Variants in UNC5B observed in about 807,000 individuals in gnomAD.
UNC5B encodes the protein unc-5 netrin receptor B, also known as netrin receptor UNC5B.
Under a neutral mutation model 103.7 loss-of-function variants are expected in UNC5B, and 56 were observed. The observed-to-expected ratio is 0.54, with a 90% CI of 0.44 to 0.67. UNC5B has a LOEUF of 0.67. Among genes scored for constraint, UNC5B ranks in the 30% least tolerant of loss-of-function variants. UNC5B has a pLI of 0.00. For synonymous variants in UNC5B, 577 were observed against 542.0 expected (o/e 1.06, Z -0.90); for missense variants, 1,194 against 1,284.5 (o/e 0.93, Z 1.08).
Position 71,293,673 on chromosome 10 carries a change from C to G in UNC5B, c.1942-27C>G, listed in dbSNP as rs199714816. The G allele has an allele frequency of 6.6e-3, 10,596 of 1,598,390 alleles. 178 individuals are homozygous for G. Among genetic ancestry groups the G allele is most frequent in the South Asian group, 0.044 (3,969 of 89,396 alleles). On this transcript the variant is annotated intron_variant, in intron 12 of 16. Coordinates refer to ENST00000335350, the MANE Select transcript of UNC5B (RefSeq NM_170744.5). ...GGCCCAGCCTGAATAACTGTGACCACTACCCCACCCTTGCTGTCCCCTACA... is the reference window on the plus strand; with the variant it reads ...GGCCCAGCCTGAATAACTGTGACCAGTACCCCACCCTTGCTGTCCCCTACA...
intron 1 of UNC5B, among the ~76,000 whole-genome samples, chr10:71,251,906 T>C (rs1243182716): frequency 2.0e-5 from 3 of 152,236 alleles, no homozygotes; most frequent in Non-Finnish European, 4.4e-5. Flanking sequence ...TCCTCTCAAA[T>C]TGACCTTGCT....
In UNC5B at chr10:71,291,354, T is replaced by G. The variant is rs1258995214; in HGVS notation, c.1295-78T>G. ...ATTGGGCCTTTCACAGCTGGACATT[T>G]GGGTGGGATTTTGCAGTGGGAGCTG... On this transcript the variant is annotated intron_variant, in intron 9 of 16. Transcript: ENST00000335350. The G allele has an allele frequency of 5.3e-6, 8 of 1,520,860 alleles. No homozygotes were observed. In the Admixed American group the frequency reaches 1.5e-4, roughly 29 times the overall value. 94.2% of individuals were successfully genotyped at this position (1,520,860 alleles called of 1,614,324 possible).
chr10:71,288,783 T>C (rs973236434), intron 7 of UNC5B, 51 bp downstream of exon 7: 4 of 1,557,402 alleles, frequency 2.6e-6, no homozygotes, highest in Admixed American at 3.8e-5. Flanking sequence ...TGGAGCCATG[T>C]AAGGGTCCCC....
intron 11 of UNC5B, among the ~76,000 whole-genome samples, chr10:71,292,953 C>A (rs1258730847): frequency 1.3e-5 from 2 of 152,088 alleles, no homozygotes; most frequent in African/African-American, 4.8e-5. Context: ...TGAAAACCAC[C>A]ACAAGGTATA....
chr10:71,291,486 G>T lies in UNC5B; in HGVS notation c.1349G>T (p.Gly450Val). 6.2e-7 allele frequency: 1 copy of T among 1,614,000 alleles called. No individual in the cohort carries two copies. The highest frequency in any genetic ancestry group is 1.3e-5 in the African/African-American group (1 of 75,016). ...CCTCCTGACCTGACAGCCAGCGCCGGCATCTACCGCGGACCCGTGTATGCC... is the reference window on the plus strand; with the variant it reads ...CCTCCTGACCTGACAGCCAGCGCCGTCATCTACCGCGGACCCGTGTATGCC... Reference protein sequence around the residue: ...SVPPDLTASAGIYRGPVYALQ... With the variant: ...SVPPDLTASAVIYRGPVYALQ... The change falls in exon 10 of 17, where the codon GGC becomes GTC. Residue 450 changes from glycine to valine, a missense_variant. Gly to Val is a moderately radical substitution (Grantham distance 109). Coordinates refer to ENST00000335350, the MANE Select transcript of UNC5B (RefSeq NM_170744.5).
At chr10:71,292,099 G>A (rs768442115) in intron 10 of UNC5B, among the ~76,000 whole-genome samples, 6 of 152,242 alleles carry the variant, frequency 3.9e-5, no homozygotes, top group Non-Finnish European at 7.3e-5. Context: ...TTCCAACGTA[G>A]TTCAGCAGAC....
rs1379172052 is a variant in UNC5B, at chr10:71,286,624, CCTT to C, written c.553-59_553-57del. ...ATGGCGTGGACCCAGGTAGAACTGC[CCTT>C]CTTCTGTTTATGATCAAACCTGTCC... On this transcript the variant is annotated intron_variant, in intron 4 of 16. Coordinates refer to ENST00000335350, the MANE Select transcript of UNC5B (RefSeq NM_170744.5). 2.6e-5 allele frequency: 42 copies of C among 1,591,022 alleles called. 1 individual carries two copies. The highest frequency in any genetic ancestry group is 3.4e-4 in the Middle Eastern group (2 of 5,950).
Position 71,299,314 on chromosome 10 carries a change from A to T in UNC5B, c.*37A>T. On this transcript the variant is annotated 3_prime_UTR_variant, in exon 17 of 17. Coordinates refer to ENST00000335350, the MANE Select transcript of UNC5B (RefSeq NM_170744.5). ...CAGCGGGCTGGCAGGGACTGGCAGGAGGCAGGTGCAGGGAGGCCTGGGGCA... is the reference window on the plus strand; with the variant it reads ...CAGCGGGCTGGCAGGGACTGGCAGGTGGCAGGTGCAGGGAGGCCTGGGGCA... The T allele has an allele frequency of 1.9e-6, 3 of 1,609,634 alleles. No homozygotes were observed. Among genetic ancestry groups the T allele is most frequent in the Non-Finnish European group, 2.5e-6 (3 of 1,178,566 alleles).
chr10:71,279,820 G>C lies in UNC5B; in HGVS notation c.80-1G>C. The C allele has an allele frequency of 6.2e-7, 1 of 1,612,412 alleles. No homozygotes were observed. On this transcript the variant is annotated splice_acceptor_variant, in intron 1 of 16. Coordinates refer to ENST00000335350, the MANE Select transcript of UNC5B (RefSeq NM_170744.5). LOFTEE classifies it high-confidence loss of function. ...CATGGAGGTCTCCACTCACTCTGCA[G>C]GCACTGATTCTGGCAGCGAGGTGCT...
intron 1 of UNC5B, among the ~76,000 whole-genome samples, chr10:71,243,675 C>G (rs1487053856): frequency 6.6e-6 from 1 of 152,102 alleles, no homozygotes; most frequent in Admixed American, 6.5e-5. Flanking sequence ...CAGAGGCCAC[C>G]CCACCTGGAT....
Position 71,291,607 on chromosome 10 carries a change from G to A in UNC5B, c.1470G>A (p.Thr490=), listed in dbSNP as rs562293801. The change falls in exon 10 of 17, where the codon ACG becomes ACA. Residue 490 remains threonine, a synonymous_variant. Coordinates refer to ENST00000335350, the MANE Select transcript of UNC5B (RefSeq NM_170744.5). ...TCAAGGTCTACAGCTCCAGCACCACGGGCTCTGGGCCAGGCCTGGCAGATG... is the reference window on the plus strand; with the variant it reads ...TCAAGGTCTACAGCTCCAGCACCACAGGCTCTGGGCCAGGCCTGGCAGATG... ...LKVKVYSSST[T]GSGPGLADGA... 1.1e-5 allele frequency: 17 copies of A among 1,614,056 alleles called. No homozygotes were observed. The African/African-American group carries it at 1.2e-4, about 11-fold the overall frequency.
In UNC5B at chr10:71,291,799, G is replaced by C; in HGVS notation, c.1662G>C (p.Gly554=). ...GCGGCACCTTTGGCTGCCTGGGTGG[G>C]AGGCTCAGCATCCCCGGCACAGGTG... ...SVSGTFGCLG[G]RLSIPGTGVS... is the part of the protein sequence containing the mutation. The change falls in exon 10 of 17, where the codon GGG becomes GGC. Residue 554 remains glycine, a synonymous_variant. Transcript: ENST00000335350. 1 of 1,602,076 alleles carries C rather than the reference G, an allele frequency of 6.2e-7. No individual in the cohort carries two copies. Among genetic ancestry groups the C allele is most frequent in the Non-Finnish European group, 8.5e-7 (1 of 1,178,290 alleles).
intron 9 of UNC5B, 138 bp from the exon 10 acceptor site, chr10:71,291,294 T>C: frequency 1.4e-6 from 2 of 1,397,288 alleles, no homozygotes; most frequent in Non-Finnish European, 1.9e-6. Flanking sequence ...TGACCCAGGC[T>C]GCGGGATTCC....
intron 1 of UNC5B, among the ~76,000 whole-genome samples, chr10:71,271,115 T>C (rs1242214675): frequency 6.6e-6 from 1 of 152,164 alleles, no homozygotes; most frequent in East Asian, 1.9e-4. Context: ...GGAAGCCAAG[T>C]GCTGGAGTCA....
chr10:71,302,177 C>T lies in UNC5B; in HGVS notation c.*2900C>T, dbSNP rs1046434743. ...CAATTCAGACCCAAGAGGTAGCCCCCGAGGGCATGTACCTGGTGGGAAGCA... is the reference window on the plus strand; with the variant it reads ...CAATTCAGACCCAAGAGGTAGCCCCTGAGGGCATGTACCTGGTGGGAAGCA... On this transcript the variant is annotated 3_prime_UTR_variant, in exon 17 of 17. Coordinates refer to ENST00000335350, the MANE Select transcript of UNC5B (RefSeq NM_170744.5). The T allele has an allele frequency of 1.3e-5, 2 of 152,200 alleles. No individual in the cohort carries two copies. The highest frequency in any genetic ancestry group is 4.8e-5 in the African/African-American group (2 of 41,440). The allele number at this position is 152,200 out of a possible 1,614,324, so 9.4% of individuals were successfully genotyped here.
chr10:71,223,382 G>C (rs1046655663), intron 1 of UNC5B, among the ~76,000 whole-genome samples: 1 of 152,154 alleles, frequency 6.6e-6, no homozygotes, highest in African/African-American at 2.4e-5. Flanking sequence ...CAAAGAATTA[G>C]AAGATTTTTT....
Position 71,221,330 on chromosome 10 carries a change from C to G in UNC5B, c.79+8266C>G, listed in dbSNP as rs191595086. On this transcript the variant is annotated intron_variant, in intron 1 of 16. Coordinates refer to ENST00000335350, the MANE Select transcript of UNC5B (RefSeq NM_170744.5). ...TGCGAGAAGGGGCCTGTGGTCCCCC[C>G]CCTTGTCACCCACTCCGAAGCTCAA... Among the ~76,000 whole-genome samples the G allele has an allele frequency of 3.5e-3, 539 of 152,348 alleles. 6 individuals carry two copies. Among genetic ancestry groups the G allele is most frequent in the African/African-American group, 0.012 (506 of 41,580 alleles).
At chr10:71,289,052 C>T in intron 8 of UNC5B, 62 bp downstream of exon 8, 1 of 1,612,594 alleles carries the variant, frequency 6.2e-7, no homozygotes, top group Non-Finnish European at 8.5e-7. Context: ...CTTTGGCTGG[C>T]TTTTCCCGGG....
Position 71,225,869 on chromosome 10 carries a change from G to C in UNC5B, c.79+12805G>C, listed in dbSNP as rs180686039. On this transcript the variant is annotated intron_variant, in intron 1 of 16. Coordinates refer to ENST00000335350, the MANE Select transcript of UNC5B (RefSeq NM_170744.5). Reference sequence around the variant, plus strand: ...CACACAGACTTGAGGACACCCTGCAGACACTACCTGCTGGCAGCACACCTG... The same window carrying C: ...CACACAGACTTGAGGACACCCTGCACACACTACCTGCTGGCAGCACACCTG... Among the ~76,000 whole-genome samples the C allele has an allele frequency of 2.4e-3, 273 of 111,822 alleles. 1 individual carries two copies. The highest frequency in any genetic ancestry group is 4.6e-3 in the Non-Finnish European group (199 of 42,962). 73.4% of individuals were successfully genotyped at this position (111,822 alleles called of 152,430 possible).
Sources: gnomAD v4.1 joint callset for allele counts (sites outside exome capture counted in the v4.1 genomes callset) on GRCh38, gnomAD v4.1.1 for gene constraint, MANE v1.5 for transcripts, NCBI Gene and HGNC (gene_info 2026-07-23, HGNC 2026-07-21) for gene names.